Variants in SPAG16 observed in about 807,000 individuals in gnomAD.
The protein encoded by SPAG16 is sperm associated antigen 16.
SPAG16 carries 86 observed loss-of-function variants against 80.4 expected under a neutral mutation model. That is an observed-to-expected ratio of 1.07 (90% CI 0.90 to 1.28). SPAG16 has a LOEUF of 1.28. SPAG16 is among the 50% of genes most tolerant of loss of function. The pLI, the probability that SPAG16 is intolerant of heterozygous loss-of-function variation, is 0.00. For missense variants in SPAG16, 870 were observed against 765.3 expected (o/e 1.14, Z -1.61); for synonymous variants, 294 against 265.9 (o/e 1.11, Z -1.03).
At chr2:213,880,850 A>G (rs2076315639) in intron 11 of SPAG16, among the ~76,000 whole-genome samples, 1 of 152,122 alleles carries the variant, frequency 6.6e-6, no homozygotes, top group Non-Finnish European at 1.5e-5. Flanking sequence ...TTTTTGTAGC[A>G]GTGCCATGCC....
At chr2:213,513,367 C>T (rs2075302832) in intron 10 of SPAG16, among the ~76,000 whole-genome samples, 1 of 152,116 alleles carries the variant, frequency 6.6e-6, no homozygotes, top group African/African-American at 2.4e-5. Flanking sequence ...TCTGTGCTTC[C>T]AATATTCCAT....
At chr2:213,831,414 T>G (rs1234001177) in intron 10 of SPAG16, among the ~76,000 whole-genome samples, 1 of 21,738 alleles carries the variant, frequency 4.6e-5, no homozygotes, top group Non-Finnish European at 2.2e-4. Flanking sequence ...AATTCAGGTG[T>G]TTTTTTTTTT....
chr2:213,608,292 T>C (rs2125006275), intron 10 of SPAG16, among the ~76,000 whole-genome samples: 1 of 152,304 alleles, frequency 6.6e-6, no homozygotes. Flanking sequence ...TCATTTAGCA[T>C]TAGGTATATC....
chr2:214,313,854 T>C (rs1205682879), intron 15 of SPAG16, among the ~76,000 whole-genome samples: 1 of 152,056 alleles, frequency 6.6e-6, no homozygotes, highest in East Asian at 1.9e-4. Context: ...TTTTAACCGC[T>C]TTTTTTCTTC....
At chr2:213,584,314 T>C (rs562178771) in intron 10 of SPAG16, among the ~76,000 whole-genome samples, 1 of 152,228 alleles carries the variant, frequency 6.6e-6, no homozygotes, top group South Asian at 2.1e-4. Context: ...GGAAATGCAG[T>C]TGGGTTACTG....
chr2:213,364,420 A>G (rs907619677), intron 8 of SPAG16: 1 of 186,902 alleles, frequency 5.4e-6, no homozygotes, highest in African/African-American at 2.3e-5. Context: ...CTCTAAAGCT[A>G]AGCTGTAAGA....
At chr2:213,490,185 C>A in intron 10 of SPAG16, 95 bp downstream of exon 10, 1 of 1,215,748 alleles carries the variant, frequency 8.2e-7, no homozygotes, top group Non-Finnish European at 1.1e-6. Flanking sequence ...AAATGGTTTG[C>A]TTTTAGCCTT....
chr2:213,506,114 A>ACGTCTAT (rs1243775626), intron 10 of SPAG16, among the ~76,000 whole-genome samples: 1 of 152,078 alleles, frequency 6.6e-6, no homozygotes, highest in Non-Finnish European at 1.5e-5. Flanking sequence ...GAATTAAACT[A>ACGTCTAT]CGTCTATCTA....
intron 14 of SPAG16, among the ~76,000 whole-genome samples, chr2:214,129,575 T>A (rs1051856461): frequency 6.6e-6 from 1 of 152,162 alleles, no homozygotes; most frequent in Non-Finnish European, 1.5e-5. Flanking sequence ...ATAGCATTAT[T>A]TTTAACATTT....
intron 6 of SPAG16, among the ~76,000 whole-genome samples, chr2:213,340,634 A>G (rs2064636046): frequency 6.6e-6 from 1 of 152,192 alleles, no homozygotes; most frequent in Admixed American, 6.5e-5. Flanking sequence ...TGCAGATAGT[A>G]CATCCTCTGC....
At chr2:214,344,234 C>A (rs1319617019) in intron 15 of SPAG16, among the ~76,000 whole-genome samples, 2 of 152,084 alleles carry the variant, frequency 1.3e-5, no homozygotes, top group Admixed American at 1.3e-4. Flanking sequence ...TTAATAAAGT[C>A]AAAGTCCTTT....
intron 13 of SPAG16, among the ~76,000 whole-genome samples, chr2:214,032,408 A>C (rs1167440399): frequency 6.6e-6 from 1 of 152,172 alleles, no homozygotes; most frequent in African/African-American, 2.4e-5. Flanking sequence ...TCCATAATTA[A>C]TCATTTTTGT....
At chr2:213,730,059 G>T (rs2066958849) in intron 10 of SPAG16, among the ~76,000 whole-genome samples, 2 of 152,268 alleles carry the variant, frequency 1.3e-5, no homozygotes, top group Admixed American at 6.5e-5. Flanking sequence ...TCCACTTATG[G>T]TTCCTTGCAA....
At chr2:214,109,604 G>A (rs1032768706) in intron 14 of SPAG16, among the ~76,000 whole-genome samples, 1 of 152,080 alleles carries the variant, frequency 6.6e-6, no homozygotes, top group Admixed American at 6.6e-5. Context: ...ATCTACTAAG[G>A]GAATGTTGAT....
rs1323623383 is a variant in SPAG16, at chr2:213,961,766, C to T, written c.1400+31621C>T. On this transcript the variant is annotated intron_variant, in intron 12 of 15. Coordinates refer to ENST00000331683, the MANE Select transcript of SPAG16 (RefSeq NM_024532.5). ...TGTGTATAATCCATTTTACATGTTG[C>T]TGGATTTAGTTTGCTAATATTTTGT... 2.0e-5 allele frequency among the ~76,000 whole-genome samples: 3 copies of T among 151,918 alleles called. No homozygotes were observed. The East Asian group carries it at 5.8e-4, about 29-fold the overall frequency.
At chr2:213,860,458 TACAG>T (rs1333180340) in intron 10 of SPAG16, among the ~76,000 whole-genome samples, 6 of 118,514 alleles carry the variant, frequency 5.1e-5, no homozygotes, top group Admixed American at 3.7e-4. Flanking sequence ...TGTATATATA[TACAG>T]ATATATCTAT....
intron 15 of SPAG16, among the ~76,000 whole-genome samples, chr2:214,189,122 A>C (rs1326657417): frequency 6.6e-6 from 1 of 152,130 alleles, no homozygotes; most frequent in Non-Finnish European, 1.5e-5. Context: ...AGTACTTCTC[A>C]AAATGATTGT....
At chr2:213,768,151 G>A (rs530018614) in intron 10 of SPAG16, among the ~76,000 whole-genome samples, 7 of 152,240 alleles carry the variant, frequency 4.6e-5, no homozygotes, top group Non-Finnish European at 4.4e-5. Flanking sequence ...TACAGGTAAA[G>A]GTGTACTCTG....
At chr2:214,299,985 A>G (rs991459893) in intron 15 of SPAG16, among the ~76,000 whole-genome samples, 2 of 152,144 alleles carry the variant, frequency 1.3e-5, no homozygotes, top group Non-Finnish European at 2.9e-5. Flanking sequence ...TTATAAGTCA[A>G]CTTTAATTTT....
Sources: gnomAD v4.1 joint callset for allele counts (sites outside exome capture counted in the v4.1 genomes callset) on GRCh38, gnomAD v4.1.1 for gene constraint, MANE v1.5 for transcripts, NCBI Gene and HGNC (gene_info 2026-07-23, HGNC 2026-07-21) for gene names.